FGF18: variants seen among roughly 807,000 people sequenced by gnomAD.
FGF18 encodes fibroblast growth factor 18.
FGF18 carries 5 observed loss-of-function variants against 23.0 expected under a neutral mutation model. The observed-to-expected ratio is 0.22, with a 90% CI of 0.11 to 0.46. The LOEUF (loss-of-function observed/expected upper bound fraction) is 0.46. Ranked by LOEUF, FGF18 falls within the 20% of genes least tolerant of loss-of-function variation. The pLI is 0.99. For synonymous variants in FGF18, 117 were observed against 118.9 expected, an observed-to-expected ratio of 0.98 and a Z score of 0.10; for missense variants, 180 against 291.6, an observed-to-expected ratio of 0.62 and a Z score of 2.79.
intron 4 of FGF18, among the ~76,000 whole-genome samples, chr5:171,454,952 G>T (rs1394337641): frequency 6.6e-6 from 1 of 152,236 alleles, no homozygotes; most frequent in Non-Finnish European, 1.5e-5. Context: ...TCCAAGGAAG[G>T]CACGCCAGCC....
At chr5:171,438,628 C>T (rs1312733047) in intron 3 of FGF18, among the ~76,000 whole-genome samples, 1 of 152,094 alleles carries the variant, frequency 6.6e-6, no homozygotes, top group Non-Finnish European at 1.5e-5. Flanking sequence ...GAATATGTTT[C>T]TGTACTCCTC....
intron 3 of FGF18, among the ~76,000 whole-genome samples, chr5:171,444,532 AAG>A (rs1772390336): frequency 6.7e-6 from 1 of 150,268 alleles, no homozygotes; most frequent in Admixed American, 6.6e-5. Flanking sequence ...GCAGAACTGA[AAG>A]AGGCCTCAGA....
chr5:171,436,305 T>A lies in FGF18; in HGVS notation c.250+32T>A. ...GCCAACCCTCTCCTCCTACTCCGTG[T>A]ACCCGTGTACATGTCCTTCCTGGCC... is the stretch of plus-strand genomic sequence containing the variant. On this transcript the variant is annotated intron_variant, in intron 3 of 4. Coordinates refer to ENST00000274625, the MANE Select transcript of FGF18 (RefSeq NM_003862.3). The surrounding 1 kb of genome is among the most constrained non-coding windows in gnomAD (Gnocchi z 4.4). 6.9e-7 allele frequency: 1 copy of A among 1,458,480 alleles called. No individual in the cohort carries two copies. Among genetic ancestry groups the A allele is most frequent in the Non-Finnish European group, 9.1e-7 (1 of 1,095,022 alleles). 90.3% of individuals were successfully genotyped at this position (1,458,480 alleles called of 1,614,324 possible).
At position 171,420,272 on chromosome 5, in the gene FGF18, T is replaced by G. The variant is rs750325338; in HGVS notation, c.32+41T>G. On this transcript the variant is annotated intron_variant, in intron 1 of 4. Coordinates refer to ENST00000274625, the MANE Select transcript of FGF18 (RefSeq NM_003862.3). ...CGGGGCTGCCCACCTTGCCTGGCTG[T>G]CTGTCCGTATGCCTGTGCCCTGTAC... 63 of 1,602,368 alleles carry G rather than the reference T, an allele frequency of 3.9e-5. 2 individuals are homozygous for G. In the South Asian group the frequency reaches 4.0e-4, roughly 10 times the overall value.
intron 3 of FGF18, among the ~76,000 whole-genome samples, chr5:171,443,573 G>T (rs1178070555): frequency 8.4e-6 from 1 of 119,278 alleles, no homozygotes; most frequent in Non-Finnish European, 1.6e-5. Context: ...GGATGGTCTC[G>T]ATTCCTGATC....
At chr5:171,438,435 C>T (rs372021520) in intron 3 of FGF18, among the ~76,000 whole-genome samples, 13 of 151,586 alleles carry the variant, frequency 8.6e-5, no homozygotes, top group East Asian at 2.0e-4. Context: ...GGTGTGACCA[C>T]GGAGGGATCC....
At chr5:171,427,207 A>G (rs370407796) in intron 2 of FGF18, among the ~76,000 whole-genome samples, 22 of 131,896 alleles carry the variant, frequency 1.7e-4, no homozygotes, top group East Asian at 1.5e-3. Context: ...TCCATCTGGG[A>G]AAAAAAAAAA....
At chr5:171,455,144 G>A (rs1012988832) in intron 4 of FGF18, among the ~76,000 whole-genome samples, 3 of 152,226 alleles carry the variant, frequency 2.0e-5, no homozygotes, top group Non-Finnish European at 4.4e-5. Context: ...CAAGGGAAGT[G>A]TTAGAGGTCG....
At chr5:171,449,278 G>A (rs1772458331) in intron 4 of FGF18, 25 bp downstream of exon 4, 1 of 1,564,830 alleles carries the variant, frequency 6.4e-7, no homozygotes, top group Non-Finnish European at 8.8e-7. Context: ...GGGATTCCCG[G>A]GAACTTCGGG....
chr5:171,446,310 G>A (rs997899756), intron 3 of FGF18, among the ~76,000 whole-genome samples: 1 of 152,126 alleles, frequency 6.6e-6, no homozygotes, highest in Non-Finnish European at 1.5e-5. Flanking sequence ...GCTTCCTGCG[G>A]TGGCCCTGGC....
chr5:171,420,501 C>A (rs1771987791), intron 2 of FGF18, 58 bp downstream of exon 2: 6 of 1,531,748 alleles, frequency 3.9e-6, no homozygotes, highest in Non-Finnish European at 5.4e-6. Flanking sequence ...ACACGCCGAC[C>A]CCCCTTCCCC....
chr5:171,421,529 G>T (rs111976134), intron 2 of FGF18, among the ~76,000 whole-genome samples: 3 of 152,198 alleles, frequency 2.0e-5, no homozygotes, highest in African/African-American at 2.4e-5. Flanking sequence ...GGATTGTGGA[G>T]ATCCCCAGAG....
intron 2 of FGF18, among the ~76,000 whole-genome samples, chr5:171,426,449 G>T (rs1216784688): frequency 1.3e-5 from 2 of 152,250 alleles, no homozygotes; most frequent in African/African-American, 4.8e-5. Context: ...GGCCTTAGAA[G>T]GGGCTTGGGC....
At chr5:171,420,252 C>G in intron 1 of FGF18, 21 bp downstream of exon 1, 1 of 1,589,760 alleles carries the variant, frequency 6.3e-7, no homozygotes, top group East Asian at 2.3e-5. Flanking sequence ...GCGCGCGGGG[C>G]TGCCCACCTT....
At chr5:171,420,275 G>A in intron 1 of FGF18, 44 bp downstream of exon 1, 1 of 1,603,970 alleles carries the variant, frequency 6.2e-7, no homozygotes, top group Middle Eastern at 1.7e-4. Flanking sequence ...CTGGCTGTCT[G>A]TCCGTATGCC....
At chr5:171,454,265 C>A (rs1014753253) in intron 4 of FGF18, among the ~76,000 whole-genome samples, 1 of 152,192 alleles carries the variant, frequency 6.6e-6, no homozygotes, top group African/African-American at 2.4e-5. Flanking sequence ...ATTTTCCAGG[C>A]AGTGGCAGGT....
chr5:171,452,512 T>C (rs559787103), intron 4 of FGF18, among the ~76,000 whole-genome samples: 1 of 152,294 alleles, frequency 6.6e-6, no homozygotes, highest in South Asian at 2.1e-4. Context: ...CCCCAGCCCC[T>C]GCATGTTCAG....
intron 1 of FGF18, 76 bp downstream of exon 1, chr5:171,420,307 C>G (rs1771984178): frequency 5.6e-6 from 9 of 1,605,734 alleles, no homozygotes; most frequent in Non-Finnish European, 6.8e-6. Flanking sequence ...CCTCTGTCTG[C>G]CCGCCCGTCG....
intron 2 of FGF18, among the ~76,000 whole-genome samples, chr5:171,435,180 G>C (rs1772229193): frequency 6.6e-6 from 1 of 152,156 alleles, no homozygotes. Context: ...AAGCAGTCAG[G>C]GGCTCACCTT....
Sources: gnomAD v4.1 joint callset for allele counts (sites outside exome capture counted in the v4.1 genomes callset) on GRCh38, gnomAD v4.1.1 for gene constraint, Gnocchi (gnomAD v3.1) non-coding constraint, MANE v1.5 for transcripts, NCBI Gene and HGNC (gene_info 2026-07-23, HGNC 2026-07-21) for gene names.